Variants in TAFA1 observed in about 807,000 individuals in gnomAD.
TAFA1 encodes the protein TAFA chemokine like family member 1.
In TAFA1, 4 loss-of-function variants were observed where a neutral mutation model predicts 18.5. That is an observed-to-expected ratio of 0.22 (90% CI 0.11 to 0.49). The LOEUF (loss-of-function observed/expected upper bound fraction) is 0.49, where lower values mean the gene tolerates loss of function less well. TAFA1 is among the 20% of genes least tolerant of loss of function. The pLI is 0.98. For missense variants in TAFA1, 147 were observed against 169.0 expected (o/e 0.87, Z 0.72); for synonymous variants, 56 against 55.2 (o/e 1.01, Z -0.06).
At chr3:68,240,793 C>G (rs540941821) in intron 2 of TAFA1, among the ~76,000 whole-genome samples, 1 of 152,158 alleles carries the variant, frequency 6.6e-6, no homozygotes, top group African/African-American at 2.4e-5. Context: ...TTCAAAAGAA[C>G]TCATGTATAT....
chr3:68,281,836 T>G (rs77935981), intron 2 of TAFA1, among the ~76,000 whole-genome samples: 2,631 of 152,214 alleles, frequency 0.017, 86 homozygotes, highest in East Asian at 0.13. Flanking sequence ...TTTTTTGACT[T>G]CCTTATAATA....
At chr3:68,322,190 A>G (rs2068706015) in intron 2 of TAFA1, among the ~76,000 whole-genome samples, 1 of 152,238 alleles carries the variant, frequency 6.6e-6, no homozygotes, top group South Asian at 2.1e-4. Flanking sequence ...ATCTTATATT[A>G]TAGATATCTT....
intron 2 of TAFA1, among the ~76,000 whole-genome samples, chr3:68,307,201 C>A (rs2068437570): frequency 6.6e-6 from 1 of 152,122 alleles, no homozygotes; most frequent in African/African-American, 2.4e-5. Context: ...TTTCTAAGAC[C>A]AAAGTCCATT....
At chr3:68,024,623 A>G (rs552773592) in intron 2 of TAFA1, among the ~76,000 whole-genome samples, 29 of 152,312 alleles carry the variant, frequency 1.9e-4, no homozygotes, top group African/African-American at 6.5e-4. Flanking sequence ...CTTCTGTGTC[A>G]CAAACATCAA....
chr3:68,179,648 G>A (rs539161666), intron 2 of TAFA1, among the ~76,000 whole-genome samples: 3 of 152,242 alleles, frequency 2.0e-5, no homozygotes, highest in Non-Finnish European at 4.4e-5. Flanking sequence ...CACTGAAAAT[G>A]TTTTCTTTGT....
At chr3:68,244,733 A>G (rs913088683) in intron 2 of TAFA1, among the ~76,000 whole-genome samples, 10 of 152,184 alleles carry the variant, frequency 6.6e-5, no homozygotes, top group African/African-American at 2.4e-4. Context: ...CTGCATAAAA[A>G]TAATTAGAAG....
chr3:68,300,393 C>T (rs1575759045), intron 2 of TAFA1, among the ~76,000 whole-genome samples: 4 of 152,170 alleles, frequency 2.6e-5, no homozygotes, highest in Middle Eastern at 3.4e-3. Flanking sequence ...AATGTGAGAA[C>T]AAATGGAAAA....
chr3:68,498,910 C>T (rs1044050258), intron 3 of TAFA1, among the ~76,000 whole-genome samples: 1 of 152,036 alleles, frequency 6.6e-6, no homozygotes, highest in Non-Finnish European at 1.5e-5. Context: ...TTAACACTTA[C>T]TGGGAAATGG....
At chr3:68,269,734 C>T (rs973400716) in intron 2 of TAFA1, among the ~76,000 whole-genome samples, 1 of 152,068 alleles carries the variant, frequency 6.6e-6, no homozygotes, top group Non-Finnish European at 1.5e-5. Flanking sequence ...CCAGCCTGAG[C>T]AAAATGGCAA....
At chr3:68,501,718 T>G (rs1353993228) in intron 3 of TAFA1, among the ~76,000 whole-genome samples, 1 of 152,150 alleles carries the variant, frequency 6.6e-6, no homozygotes, top group Non-Finnish European at 1.5e-5. Context: ...AATTAGGCTA[T>G]TATTTGACCA....
At chr3:68,201,612 CTTT>C (rs2066470538) in intron 2 of TAFA1, among the ~76,000 whole-genome samples, 1 of 151,738 alleles carries the variant, frequency 6.6e-6, no homozygotes, top group Non-Finnish European at 1.5e-5. Flanking sequence ...GAATTGACTT[CTTT>C]ATCATTGTGC....
intron 2 of TAFA1, among the ~76,000 whole-genome samples, chr3:68,071,709 A>G (rs949654886): frequency 5.9e-5 from 9 of 152,178 alleles, no homozygotes; most frequent in African/African-American, 1.7e-4. Flanking sequence ...TAACGAAAAA[A>G]GATTTAATTG....
intron 3 of TAFA1, among the ~76,000 whole-genome samples, chr3:68,498,711 C>G: frequency 7.6e-6 from 1 of 132,156 alleles, no homozygotes; most frequent in Non-Finnish European, 1.5e-5. Flanking sequence ...CCTCCCAAAG[C>G]CGTTTGGTGG....
At chr3:68,279,152 G>A (rs749861680) in intron 2 of TAFA1, among the ~76,000 whole-genome samples, 3 of 152,108 alleles carry the variant, frequency 2.0e-5, no homozygotes, top group Non-Finnish European at 2.9e-5. Flanking sequence ...TGACCTCAAA[G>A]TTTCCTAAAT....
At chr3:68,124,287 C>T (rs1305006548) in intron 2 of TAFA1, among the ~76,000 whole-genome samples, 1 of 152,182 alleles carries the variant, frequency 6.6e-6, no homozygotes, top group African/African-American at 2.4e-5. Flanking sequence ...TCTCACTGTT[C>T]TTAGCAGTTG....
chr3:68,378,432 CTGTAACCACAT>C (rs1470663403), intron 2 of TAFA1, among the ~76,000 whole-genome samples: 3 of 152,170 alleles, frequency 2.0e-5, no homozygotes, highest in African/African-American at 7.2e-5. Flanking sequence ...TACCCAATGC[CTGTAACCACAT>C]TGTATCTAGG....
At chr3:68,157,740 C>G (rs564759388) in intron 2 of TAFA1, among the ~76,000 whole-genome samples, 3 of 152,042 alleles carry the variant, frequency 2.0e-5, no homozygotes, top group African/African-American at 7.2e-5. Flanking sequence ...TTCAGTTTAT[C>G]TCCAAATAGC....
intron 2 of TAFA1, among the ~76,000 whole-genome samples, chr3:68,287,884 A>T (rs2068039442): frequency 9.6e-6 from 1 of 103,868 alleles, no homozygotes; most frequent in African/African-American, 3.4e-5. Context: ...TCAGGTCTGG[A>T]GGATTTTGCT....
intron 2 of TAFA1, among the ~76,000 whole-genome samples, chr3:68,204,079 T>C (rs2066498630): frequency 6.6e-6 from 1 of 151,600 alleles, no homozygotes; most frequent in South Asian, 2.1e-4. Context: ...TGGGAGCTTT[T>C]TGCCCTGGTA....
Sources: gnomAD v4.1 joint callset for allele counts (sites outside exome capture counted in the v4.1 genomes callset) on GRCh38, gnomAD v4.1.1 for gene constraint, MANE v1.5 for transcripts, NCBI Gene and HGNC (gene_info 2026-07-23, HGNC 2026-07-21) for gene names.